CERS4: variants seen among roughly 807,000 people sequenced by gnomAD.
The protein encoded by CERS4 is ceramide synthase 4.
In CERS4, 65 loss-of-function variants were observed where a neutral mutation model predicts 51.8. The observed-to-expected ratio is 1.26, with a 90% CI of 1.03 to 1.54. The LOEUF (loss-of-function observed/expected upper bound fraction) is 1.54. Ranked by LOEUF, CERS4 falls within the 40% of genes most tolerant of loss-of-function variation. CERS4 has a pLI of 0.00. For synonymous variants in CERS4, 228 were observed against 208.4 expected (o/e 1.09, Z -0.81); for missense variants, 563 against 500.4 (o/e 1.13, Z -1.19).
At chr19:8,251,800 T>TAA (rs111723071) in intron 3 of CERS4, among the ~76,000 whole-genome samples, 2,830 of 143,970 alleles carry the variant, frequency 0.02, 39 homozygotes, top group Non-Finnish European at 0.025. Context: ...CAAGACTCCA[T>TAA]AAAAAAAAAA....
chr19:8,255,525 G>A, intron 4 of CERS4, 82 bp from the exon 5 acceptor site: 5 of 1,232,556 alleles, frequency 4.1e-6, no homozygotes, highest in South Asian at 1.4e-5. Context: ...AGTGGAGAGG[G>A]CAGAGCCAAG....
At chr19:8,248,925 T>C (rs1252262594) in intron 2 of CERS4, among the ~76,000 whole-genome samples, 3 of 135,430 alleles carry the variant, frequency 2.2e-5, no homozygotes, top group Admixed American at 1.4e-4. Context: ...GGTAGATGGA[T>C]GAGTGGATAG....
At chr19:8,213,205 T>C (rs1967151375) in intron 2 of CERS4, among the ~76,000 whole-genome samples, 1 of 151,860 alleles carries the variant, frequency 6.6e-6, no homozygotes, top group Non-Finnish European at 1.5e-5. Context: ...TTTTTTGTAG[T>C]GATTTTGTAG....
intron 2 of CERS4, among the ~76,000 whole-genome samples, chr19:8,248,314 G>A (rs1968879202): frequency 6.6e-6 from 1 of 152,204 alleles, no homozygotes; most frequent in Non-Finnish European, 1.5e-5. Flanking sequence ...TGGATGGATG[G>A]ATGGACAGAC....
At chr19:8,253,605 C>T (rs553511793) in intron 3 of CERS4, among the ~76,000 whole-genome samples, 90 of 151,912 alleles carry the variant, frequency 5.9e-4, no homozygotes, top group Non-Finnish European at 1.0e-3. Flanking sequence ...GCTGGGGCTA[C>T]AGGGGCCCGC....
chr19:8,251,368 C>T lies in CERS4; in HGVS notation c.173+119C>T, dbSNP rs76793736. 31,375 of 1,429,682 alleles carry T rather than the reference C, an allele frequency of 0.022. 414 individuals are homozygous for T. Among genetic ancestry groups the T allele is most frequent in the Middle Eastern group, 0.052 (199 of 3,860 alleles). The allele number at this position is 1,429,682 out of a possible 1,614,324, so 88.6% of individuals were successfully genotyped here. On this transcript the variant is annotated intron_variant, in intron 3 of 11. Coordinates refer to ENST00000251363, the MANE Select transcript of CERS4 (RefSeq NM_024552.3). Reference sequence around the variant, plus strand: ...AGTAGAAGCTGGCTTTGCACCAAAGCGCGTTCCCTGGCTCCAGCCTGCCCC... The same window carrying T: ...AGTAGAAGCTGGCTTTGCACCAAAGTGCGTTCCCTGGCTCCAGCCTGCCCC...
chr19:8,258,168 CAG>C (rs1201315826), intron 10 of CERS4, among the ~76,000 whole-genome samples, 183 bp downstream of exon 10: 4 of 152,020 alleles, frequency 2.6e-5, no homozygotes, highest in Admixed American at 1.3e-4. Context: ...AGAGGTGAGA[CAG>C]AGAATTATTA....
In CERS4 at chr19:8,261,924, C is replaced by G; in HGVS notation, c.1006-6C>G. On this transcript the variant is annotated splice_region_variant and splice_polypyrimidine_tract_variant and intron_variant, in intron 11 of 11. Transcript: ENST00000251363. ...TCTGAGCTCCATCCCTCTCTCTGTT[C>G]CCCAGATGGAGAAGGACATTCGTAG... 2 of 1,608,880 alleles carry G rather than the reference C, an allele frequency of 1.2e-6. No homozygotes were observed. The highest frequency in any genetic ancestry group is 1.7e-6 in the Non-Finnish European group (2 of 1,176,904).
chr19:8,247,073 C>T (rs185858607), intron 2 of CERS4, among the ~76,000 whole-genome samples: 2 of 152,168 alleles, frequency 1.3e-5, no homozygotes, highest in South Asian at 2.1e-4. Context: ...GACTGAGGCA[C>T]GAGAATTGCT....
Position 8,255,596 on chromosome 19 carries a change from C to T in CERS4, c.292-11C>T, listed in dbSNP as rs776574473. On this transcript the variant is annotated splice_polypyrimidine_tract_variant and intron_variant, in intron 4 of 11. Coordinates refer to ENST00000251363, the MANE Select transcript of CERS4 (RefSeq NM_024552.3). The stretch of plus-strand genomic sequence containing the variant: ...CCTCTGTGACCCTTGTCCTCATCAC[C>T]CCCTCCCCAGCCCCAGCTGTCTCTC... The T allele has an allele frequency of 1.2e-6, 2 of 1,605,366 alleles. No homozygotes were observed. The highest frequency in any genetic ancestry group is 1.7e-6 in the Non-Finnish European group (2 of 1,176,492).
At chr19:8,256,199 C>T in intron 6 of CERS4, 37 bp from the exon 7 acceptor site, 1 of 1,596,270 alleles carries the variant, frequency 6.3e-7, no homozygotes, top group Non-Finnish European at 8.5e-7. Context: ...AGGTTGGATT[C>T]TCACCTCTGC....
At chr19:8,218,797 C>G (rs1450750753) in intron 2 of CERS4, among the ~76,000 whole-genome samples, 1 of 152,182 alleles carries the variant, frequency 6.6e-6, no homozygotes, top group Admixed American at 6.6e-5. Context: ...GCCTCTGCCT[C>G]CCCACTGGGG....
At chr19:8,256,086 C>G in intron 6 of CERS4, 150 bp from the exon 7 acceptor site, 1 of 958,850 alleles carries the variant, frequency 1.0e-6, no homozygotes, top group Non-Finnish European at 1.6e-6. Context: ...AGTGAATGAG[C>G]CCCCCAGTCG....
chr19:8,261,629 G>A, intron 10 of CERS4, 59 bp from the exon 11 acceptor site: 1 of 1,600,122 alleles, frequency 6.2e-7, no homozygotes, highest in Non-Finnish European at 8.5e-7. Context: ...GAAATTCTTA[G>A]GACTGGGGGC....
intron 2 of CERS4, among the ~76,000 whole-genome samples, chr19:8,234,262 C>T (rs1459804744): frequency 6.6e-6 from 1 of 152,136 alleles, no homozygotes; most frequent in African/African-American, 2.4e-5. Context: ...ACTGAGATTG[C>T]GCCACTGCAC....
chr19:8,234,484 G>A (rs1249704565), intron 2 of CERS4, among the ~76,000 whole-genome samples: 1 of 146,670 alleles, frequency 6.8e-6, no homozygotes, highest in Non-Finnish European at 1.5e-5. Context: ...CTGAAATGCT[G>A]TACTTTACCC....
intron 5 of CERS4, 30 bp downstream of exon 5, chr19:8,255,755 A>G: frequency 1.6e-6 from 2 of 1,287,854 alleles, no homozygotes; most frequent in Non-Finnish European, 2.1e-6. Context: ...TCTGGGGTGC[A>G]GGGAAGCGGG....
At position 8,251,232 on chromosome 19, in the gene CERS4, G is replaced by A; in HGVS notation, c.156G>A (p.Met52Ile). Residue 52 changes from methionine to isoleucine, a missense_variant, in exon 3 of 12, where the codon ATG becomes ATA. Transcript: ENST00000251363. ...CCCTGGCGCTGGTCCTCCTGGCCAT[G>A]CGCCTTGCCTTTGAGAGGTGAGTGT... ...ALPLALVLLA[M>I]RLAFERFIGL... 1.2e-6 allele frequency: 2 copies of A among 1,605,660 alleles called. No individual in the cohort carries two copies. Among genetic ancestry groups the A allele is most frequent in the South Asian group, 1.1e-5 (1 of 89,802 alleles).
At chr19:8,234,957 T>G (rs566438051) in intron 2 of CERS4, among the ~76,000 whole-genome samples, 20 of 152,012 alleles carry the variant, frequency 1.3e-4, no homozygotes, top group South Asian at 1.0e-3. Context: ...TCATTCAGCA[T>G]AACGTCCTCA....
Sources: gnomAD v4.1 joint callset for allele counts (sites outside exome capture counted in the v4.1 genomes callset) on GRCh38, gnomAD v4.1.1 for gene constraint, MANE v1.5 for transcripts, NCBI Gene and HGNC (gene_info 2026-07-23, HGNC 2026-07-21) for gene names.